The following DNAH12 variants were observed in gnomAD, a reference collection of about 807,000 sequenced individuals.
DNAH12 encodes the protein dynein axonemal heavy chain 12.
Under a neutral mutation model 371.5 loss-of-function variants are expected in DNAH12, and 285 were observed. The ratio of observed to expected loss-of-function variants is 0.77; its 90% CI spans 0.70 to 0.85. The LOEUF is 0.85. Among genes scored for constraint, DNAH12 ranks in the 40% least tolerant of loss-of-function variants. DNAH12 has a pLI of 0.00. For synonymous variants in DNAH12, 1,200 were observed against 1,213.0 expected, an observed-to-expected ratio of 0.99 and a Z score of 0.22; for missense variants, 3,611 against 3,689.4, an observed-to-expected ratio of 0.98 and a Z score of 0.55.
intron 62 of DNAH12, among the ~76,000 whole-genome samples, chr3:57,328,974 G>C (rs1480246194): frequency 7.1e-6 from 1 of 140,048 alleles, no homozygotes; most frequent in African/African-American, 2.8e-5. Context: ...GCTTCAAAGG[G>C]AATAAAATAC....
At chr3:57,356,272 T>C (rs2062796928) in intron 59 of DNAH12, among the ~76,000 whole-genome samples, 1 of 151,778 alleles carries the variant, frequency 6.6e-6, no homozygotes, top group Admixed American at 6.6e-5. Context: ...TGAAACCCCA[T>C]CTCTACAAAA....
intron 13 of DNAH12, among the ~76,000 whole-genome samples, chr3:57,482,340 A>T (rs1559706682): frequency 6.6e-6 from 1 of 152,230 alleles, no homozygotes; most frequent in Non-Finnish European, 1.5e-5. Context: ...ATCACTGGCC[A>T]TCAAAGAAAT....
intron 60 of DNAH12, among the ~76,000 whole-genome samples, chr3:57,341,670 TA>T (rs2062402280): frequency 6.6e-6 from 1 of 151,956 alleles, no homozygotes; most frequent in African/African-American, 2.4e-5. Flanking sequence ...TTAATATTGT[TA>T]AAATGACTCT....
chr3:57,551,410 T>C, the DNAH12 span, among the ~76,000 whole-genome samples: 3 of 151,930 alleles, frequency 2.0e-5, no homozygotes, highest in African/African-American at 7.3e-5. Flanking sequence ...TAGCTGGGAC[T>C]ACAGGCACCC....
chr3:57,412,878 T>C (rs1013724166), intron 39 of DNAH12, among the ~76,000 whole-genome samples: 11 of 152,230 alleles, frequency 7.2e-5, no homozygotes, highest in African/African-American at 2.2e-4. Context: ...GGTAGTTTGG[T>C]GGTTTCTTAC....
chr3:57,310,607 A>G (rs895597586), intron 67 of DNAH12, 110 bp downstream of exon 67: 18 of 764,432 alleles, frequency 2.4e-5, no homozygotes, highest in Admixed American at 6.1e-5. Context: ...TTAAAAGTTG[A>G]TTAAAACCAT....
At chr3:57,496,811 A>T (rs2067339110) in intron 11 of DNAH12, among the ~76,000 whole-genome samples, 1 of 152,182 alleles carries the variant, frequency 6.6e-6, no homozygotes, top group African/African-American at 2.4e-5. Context: ...TCTACTAAAA[A>T]TACAAAAATT....
intron 53 of DNAH12, among the ~76,000 whole-genome samples, chr3:57,376,208 C>G (rs2063277366): frequency 6.6e-6 from 1 of 151,372 alleles, no homozygotes; most frequent in African/African-American, 2.4e-5. Flanking sequence ...CAGGACTTGG[C>G]CCTTCAGAAA....
In DNAH12 at chr3:57,472,539, T is replaced by C; in HGVS notation, c.1776+7A>G. On this transcript the variant is annotated splice_region_variant and intron_variant, in intron 14 of 73. Transcript: ENST00000495027. ...TTACAAAAATACATACTGAAAAATA[T>C]ATTTACCTCATCATTTTCATCAAAG... The C allele has an allele frequency of 6.5e-7, 1 of 1,545,746 alleles. No homozygotes were observed. The highest frequency in any genetic ancestry group is 1.7e-4 in the Middle Eastern group (1 of 5,968).
chr3:57,542,648 T>G, intron 2 of DNAH12, 53 bp downstream of exon 2: 5 of 1,529,868 alleles, frequency 3.3e-6, no homozygotes, highest in Middle Eastern at 2.0e-4. Context: ...ATATGAACAC[T>G]AATCATTTTA....
chr3:57,309,160 C>A lies in DNAH12; in HGVS notation c.11180G>T (p.Arg3727Ile), dbSNP rs2061535047. ...MNTVLVQEME[R>I]FNNLIITIRN... ...GGATATAGATCCTTACTTGTTAAAT[C>A]TTTCCATTTCTTGTACTAACACAGT... is the stretch of plus-strand genomic sequence containing the variant. Residue 3727 changes from arginine to isoleucine, a missense_variant, in exon 69 of 74, where the codon AGA (arginine) becomes ATA (isoleucine). Coordinates refer to ENST00000495027, the MANE Select transcript of DNAH12 (RefSeq NM_001366028.2). 1 of 1,541,534 alleles carries A rather than the reference C, an allele frequency of 6.5e-7. No individual in the cohort carries two copies. Among genetic ancestry groups the A allele is most frequent in the African/African-American group, 1.4e-5 (1 of 72,796 alleles).
chr3:57,399,592 G>C (rs1204928877), intron 43 of DNAH12, among the ~76,000 whole-genome samples: 1 of 152,048 alleles, frequency 6.6e-6, no homozygotes, highest in East Asian at 1.9e-4. Context: ...ATGATAAAAG[G>C]GTCAATTTAC....
At chr3:57,424,613 T>TA (rs2153362996) in intron 35 of DNAH12, among the ~76,000 whole-genome samples, 1 of 150,272 alleles carries the variant, frequency 6.7e-6, no homozygotes, top group African/African-American at 2.5e-5. Context: ...CCGTCTCTAC[T>TA]AAAAATACAA....
At chr3:57,531,623 G>T (rs1433949994) in intron 2 of DNAH12, among the ~76,000 whole-genome samples, 2 of 151,872 alleles carry the variant, frequency 1.3e-5, no homozygotes, top group East Asian at 3.9e-4. Flanking sequence ...AAATATCTGG[G>T]TGTGGCGGCA....
rs1292442439 is a variant in DNAH12, at chr3:57,478,499, T to C, written c.1650+4877A>G. Among the ~76,000 whole-genome samples the C allele has an allele frequency of 2.6e-5, 4 of 152,178 alleles. No individual in the cohort carries two copies. In the South Asian group the frequency reaches 8.3e-4, roughly 32 times the overall value. Reference sequence around the variant, plus strand: ...AATGGAACCAAGTTGGAAAACACTCTGCAGGATATTATCCAGGAGAACTTC... The same window carrying C: ...AATGGAACCAAGTTGGAAAACACTCCGCAGGATATTATCCAGGAGAACTTC... On this transcript the variant is annotated intron_variant, in intron 13 of 73. Coordinates refer to ENST00000495027, the MANE Select transcript of DNAH12 (RefSeq NM_001366028.2).
chr3:57,300,647 A>G (rs1046178292), intron 70 of DNAH12, among the ~76,000 whole-genome samples: 3 of 152,166 alleles, frequency 2.0e-5, no homozygotes, highest in Non-Finnish European at 4.4e-5. Context: ...TCAGATTGGC[A>G]AAAATTTTAA....
At chr3:57,410,975 G>A (rs2064183323) in intron 39 of DNAH12, among the ~76,000 whole-genome samples, 1 of 151,998 alleles carries the variant, frequency 6.6e-6, no homozygotes, top group South Asian at 2.1e-4. Flanking sequence ...AGATAAAAAT[G>A]TCCCCTCTCA....
intron 62 of DNAH12, among the ~76,000 whole-genome samples, chr3:57,325,006 C>T (rs1246406987): frequency 2.6e-5 from 4 of 152,212 alleles, no homozygotes; most frequent in Admixed American, 2.0e-4. Flanking sequence ...AAGGCGGCAG[C>T]GAGGCTGGGG....
intron 69 of DNAH12, among the ~76,000 whole-genome samples, chr3:57,307,226 A>ACTTT (rs137885493): frequency 0.24 from 36,656 of 151,934 alleles, 4,824 homozygotes; most frequent in African/African-American, 0.32. Flanking sequence ...ATGGTTAGAT[A>ACTTT]CGACTTTAGA....
Sources: gnomAD v4.1 joint callset for allele counts (sites outside exome capture counted in the v4.1 genomes callset) on GRCh38, gnomAD v4.1.1 for gene constraint, MANE v1.5 for transcripts, NCBI Gene and HGNC (gene_info 2026-07-23, HGNC 2026-07-21) for gene names.